CAMTA1: variants seen among roughly 807,000 people sequenced by gnomAD.
CAMTA1 encodes the protein calmodulin-binding transcription activator 1.
A neutral mutation model predicts 170.9 loss-of-function variants in CAMTA1; 27 were observed. The observed-to-expected ratio is 0.16, with a 90% CI of 0.12 to 0.22. CAMTA1 has a LOEUF of 0.22. Ranked by LOEUF, CAMTA1 falls within the 10% of genes least tolerant of loss-of-function variation. CAMTA1 has a pLI of 1.00. For synonymous variants in CAMTA1, 833 were observed against 891.5 expected (o/e 0.93, Z 1.17); for missense variants, 1,619 against 2,217.2 (o/e 0.73, Z 5.42).
At chr1:6,832,991 A>T (rs1453515986) in intron 3 of CAMTA1, among the ~76,000 whole-genome samples, 1 of 152,206 alleles carries the variant, frequency 6.6e-6, no homozygotes, top group Non-Finnish European at 1.5e-5. Flanking sequence ...CCTGGAGATC[A>T]GGCAGCCTGT....
intron 3 of CAMTA1, among the ~76,000 whole-genome samples, chr1:6,899,554 G>GCGCGCGCACA (rs1306510241): frequency 1.4e-5 from 2 of 141,086 alleles, no homozygotes; most frequent in Non-Finnish European, 3.1e-5. Flanking sequence ...ACGCGCGCGC[G>GCGCGCGCACA]CACACACACA....
intron 1 of CAMTA1, among the ~76,000 whole-genome samples, chr1:6,790,595 C>T (rs1452029999): frequency 4.0e-5 from 6 of 151,772 alleles, no homozygotes; most frequent in Middle Eastern, 3.2e-3. Flanking sequence ...TTTTTTTCTT[C>T]GGATTAACTG....
rs1382310761 is a variant in CAMTA1, at chr1:7,621,655, C to G, written c.511-18745C>G. 5.3e-5 allele frequency among the ~76,000 whole-genome samples: 8 copies of G among 152,308 alleles called. No homozygotes were observed. In the East Asian group the frequency reaches 1.5e-3, roughly 29 times the overall value. On this transcript the variant is annotated intron_variant, in intron 6 of 22. Transcript: ENST00000303635. Reference sequence around the variant, plus strand: ...AACACTCTGTGTCATTGGGAGTGTACTTAAATCGCAAGGAAAGTTATAACA... The same window carrying G: ...AACACTCTGTGTCATTGGGAGTGTAGTTAAATCGCAAGGAAAGTTATAACA...
intron 4 of CAMTA1, among the ~76,000 whole-genome samples, chr1:7,106,737 G>A (rs965449283): frequency 6.6e-5 from 10 of 152,052 alleles, no homozygotes; most frequent in Admixed American, 3.9e-4. Flanking sequence ...TTGATCCTAC[G>A]GTAGGCCTTC....
At chr1:7,507,269 A>G (rs534065013) in intron 6 of CAMTA1, among the ~76,000 whole-genome samples, 1 of 151,916 alleles carries the variant, frequency 6.6e-6, no homozygotes, top group East Asian at 1.9e-4. Context: ...ACTCGCACAC[A>G]CCCTGCCTTT....
chr1:6,887,186 G>C lies in CAMTA1; in HGVS notation c.234+61976G>C, dbSNP rs925603982. Reference sequence around the variant, plus strand: ...ATGACTCCCCTGGGTTGCTATGTTAGAAGAAAACCCAAAACTTAAGTAGTT... The same window carrying C: ...ATGACTCCCCTGGGTTGCTATGTTACAAGAAAACCCAAAACTTAAGTAGTT... On this transcript the variant is annotated intron_variant, in intron 3 of 22. Coordinates refer to ENST00000303635, the MANE Select transcript of CAMTA1 (RefSeq NM_015215.4). This position sits in a 1 kb window ranked among gnomAD's most constrained non-coding sequence, Gnocchi z 4.1. Among the ~76,000 whole-genome samples the C allele has an allele frequency of 2.0e-5, 3 of 152,180 alleles. No homozygotes were observed.
chr1:7,506,080 C>T (rs574504501), intron 6 of CAMTA1, among the ~76,000 whole-genome samples: 10 of 152,252 alleles, frequency 6.6e-5, no homozygotes, highest in Non-Finnish European at 1.2e-4. Flanking sequence ...GGTGGAGAAT[C>T]GCAGAGGAGG....
At chr1:7,404,015 A>G (rs1168193504) in intron 5 of CAMTA1, among the ~76,000 whole-genome samples, 1 of 152,082 alleles carries the variant, frequency 6.6e-6, no homozygotes, top group African/African-American at 2.4e-5. Flanking sequence ...TTTACTGAAC[A>G]CCTTTTGTGG....
intron 5 of CAMTA1, among the ~76,000 whole-genome samples, chr1:7,411,471 G>A (rs1264784468): frequency 6.7e-6 from 1 of 150,144 alleles, no homozygotes. Context: ...CCTGGGAGGC[G>A]GAGGTTGCAG....
At chr1:7,059,054 G>C (rs1163146982) in intron 3 of CAMTA1, among the ~76,000 whole-genome samples, 1 of 152,172 alleles carries the variant, frequency 6.6e-6, no homozygotes, top group African/African-American at 2.4e-5. Flanking sequence ...CAACGTCTGG[G>C]CCACCATCCG....
rs1646225162 is a variant in CAMTA1, at chr1:7,146,914, A to C, written c.302+55543A>C. On this transcript the variant is annotated intron_variant, in intron 4 of 22. Transcript: ENST00000303635. This position sits in a 1 kb window ranked among gnomAD's most constrained non-coding sequence, Gnocchi z 4.3. ...TATGCCGTGCATACACATACACATC[A>C]CACACTCAAATATACACCATGTTCA... Among the ~76,000 whole-genome samples the C allele has an allele frequency of 6.6e-6, 1 of 151,736 alleles. No individual in the cohort carries two copies. Among genetic ancestry groups the C allele is most frequent in the Non-Finnish European group, 1.5e-5 (1 of 67,950 alleles).
chr1:7,672,352 C>T (rs1276564098), intron 10 of CAMTA1, among the ~76,000 whole-genome samples: 3 of 152,180 alleles, frequency 2.0e-5, no homozygotes, highest in Admixed American at 6.5e-5. Flanking sequence ...TTGAACCATG[C>T]CCCCAGGCTG....
At chr1:7,402,087 G>A (rs6692817) in intron 5 of CAMTA1, among the ~76,000 whole-genome samples, 93,625 of 151,748 alleles carry the variant, frequency 0.62, 30,499 homozygotes, top group Middle Eastern at 0.74. Context: ...GGCAGCAAGG[G>A]TGTCAGCACT....
At chr1:6,817,879 G>A (rs1239843712) in intron 1 of CAMTA1, among the ~76,000 whole-genome samples, 1 of 152,130 alleles carries the variant, frequency 6.6e-6, no homozygotes, top group East Asian at 1.9e-4. Context: ...AAAGAATTAA[G>A]GAGCTCATGG....
intron 5 of CAMTA1, among the ~76,000 whole-genome samples, chr1:7,401,549 A>G (rs919196108): frequency 6.6e-6 from 1 of 152,130 alleles, no homozygotes; most frequent in Non-Finnish European, 1.5e-5. Context: ...TGGGAATTTA[A>G]TCGGAACTGC....
intron 7 of CAMTA1, among the ~76,000 whole-genome samples, chr1:7,646,887 C>G (rs1000911701): frequency 3.9e-5 from 6 of 152,184 alleles, no homozygotes; most frequent in Admixed American, 2.0e-4. Context: ...TCTCCCCTAA[C>G]ACACTGGTCC....
rs187307904 is a variant in CAMTA1 at position 6,934,343 on chromosome 1, C to T, written c.234+109133C>T. Among the ~76,000 whole-genome samples the T allele has an allele frequency of 5.0e-3, 756 of 152,276 alleles. 1 individual carries two copies. Among genetic ancestry groups the T allele is most frequent in the Non-Finnish European group, 8.5e-3 (576 of 68,024 alleles). ...CAGTCAGGGCATGGCAGAGGAACCA[C>T]CCCTCTTGTAAAAGAGGCACACACA... On this transcript the variant is annotated intron_variant, in intron 3 of 22. Transcript: ENST00000303635. This position sits in a 1 kb window ranked among gnomAD's most constrained non-coding sequence, Gnocchi z 4.5.
chr1:7,475,920 C>T (rs1269547601), intron 6 of CAMTA1, among the ~76,000 whole-genome samples: 1 of 152,220 alleles, frequency 6.6e-6, no homozygotes, highest in African/African-American at 2.4e-5. Flanking sequence ...CCAAGGTGCA[C>T]ACATGTGCAG....
chr1:7,186,672 T>G (rs1653344714), intron 4 of CAMTA1, among the ~76,000 whole-genome samples: 1 of 152,226 alleles, frequency 6.6e-6, no homozygotes, highest in South Asian at 2.1e-4. Flanking sequence ...TACATTTTCT[T>G]AGGCTTACTT....
Sources: gnomAD v4.1 joint callset for allele counts (sites outside exome capture counted in the v4.1 genomes callset) on GRCh38, gnomAD v4.1.1 for gene constraint, Gnocchi (gnomAD v3.1) non-coding constraint, MANE v1.5 for transcripts, NCBI Gene and HGNC (gene_info 2026-07-23, HGNC 2026-07-21) for gene names.